Variants in UHRF1 observed in about 807,000 individuals in gnomAD.
UHRF1 encodes E3 ubiquitin-protein ligase UHRF1.
UHRF1 carries 9 observed loss-of-function variants against 96.5 expected under a neutral mutation model. That is an observed-to-expected ratio of 0.09 (90% CI 0.06 to 0.16). The LOEUF (loss-of-function observed/expected upper bound fraction) is 0.16, where lower values mean the gene tolerates loss of function less well. UHRF1 is among the 10% of genes least tolerant of loss of function. The pLI, the probability that UHRF1 is intolerant of heterozygous loss-of-function variation, is 1.00. For missense variants in UHRF1, 626 were observed against 1,131.1 expected (o/e 0.55, Z 6.40); for synonymous variants, 455 against 469.9 (o/e 0.97, Z 0.41).
Position 4,930,461 on chromosome 19 carries a change from C to T in UHRF1, c.409-255C>T, listed in dbSNP as rs542998449. 6.6e-6 allele frequency among the ~76,000 whole-genome samples: 1 copy of T among 152,360 alleles called. No homozygotes were observed. Among genetic ancestry groups the T allele is most frequent in the East Asian group, 1.9e-4 (1 of 5,190 alleles). On this transcript the variant is annotated intron_variant, in intron 3 of 16. Transcript: ENST00000650932. This position sits in a 1 kb window ranked among gnomAD's most constrained non-coding sequence, Gnocchi z 4.4. The stretch of plus-strand genomic sequence containing the variant: ...GCAGCTCTGGTCTCTCAGGGCCTCC[C>T]AGCAGCTGTGGCTGAAGCAGAGCCG...
At chr19:4,936,668 G>A (rs558837968) in intron 5 of UHRF1, among the ~76,000 whole-genome samples, 4 of 152,114 alleles carry the variant, frequency 2.6e-5, no homozygotes, top group Admixed American at 6.6e-5. Context: ...ATGGCTAGGC[G>A]CAGTGGCTCA....
chr19:4,910,548 C>T (rs536800488), intron 1 of UHRF1: 1 of 260,592 alleles, frequency 3.8e-6, no homozygotes. Flanking sequence ...ATAAACGAAC[C>T]AACTCGGCCA....
rs770572405 is a variant in UHRF1 at position 4,950,967 on chromosome 19, C to T, written c.1789C>T (p.Arg597Trp). Reference protein sequence around the residue: ...PGPWTKEGKDRIKKLGLTMQY... With the variant: ...PGPWTKEGKDWIKKLGLTMQY... ...CCCTTGGACGAAGGAGGGGAAGGACCGGATCAAGAAGCTGGGGCTGACCAT... is the reference window on the plus strand; with the variant it reads ...CCCTTGGACGAAGGAGGGGAAGGACTGGATCAAGAAGCTGGGGCTGACCAT... Residue 597 changes from arginine to tryptophan, a missense_variant, in exon 13 of 17, where the codon CGG (arginine) becomes TGG (tryptophan). This residue lies in a region of UHRF1 where 61 missense variants were observed against 199.2 expected (regional missense o/e 0.31). Transcript: ENST00000650932. The T allele has an allele frequency of 6.2e-7, 1 of 1,611,444 alleles. No individual in the cohort carries two copies. The highest frequency in any genetic ancestry group is 8.5e-7 in the Non-Finnish European group (1 of 1,179,584).
At chr19:4,933,728 C>T (rs1009456210) in intron 5 of UHRF1, among the ~76,000 whole-genome samples, 1 of 152,170 alleles carries the variant, frequency 6.6e-6, no homozygotes, top group Non-Finnish European at 1.5e-5. Flanking sequence ...TAGGAGTTGG[C>T]AAACTGCAGT....
At chr19:4,952,389 C>T (rs987662618) in intron 13 of UHRF1, among the ~76,000 whole-genome samples, 28 of 123,122 alleles carry the variant, frequency 2.3e-4, no homozygotes, top group Non-Finnish European at 3.7e-4. Flanking sequence ...CCACCGCTCC[C>T]AGCCTTTTTT....
chr19:4,927,981 G>A (rs2146324798), intron 2 of UHRF1, among the ~76,000 whole-genome samples: 1 of 152,326 alleles, frequency 6.6e-6, no homozygotes, highest in East Asian at 1.9e-4. Context: ...TTCCCACTCA[G>A]TGTGTGGATT....
chr19:4,960,948 T>C lies in UHRF1; in HGVS notation c.*145T>C. ...AAAGGTTTGTCTTCCTTTTTTTTTT[T>C]ATTTTTATTTTTCAAATCTATACAT... On this transcript the variant is annotated 3_prime_UTR_variant, in exon 17 of 17. Coordinates refer to ENST00000650932, the MANE Select transcript of UHRF1 (RefSeq NM_001048201.3). The C allele has an allele frequency of 4.1e-6, 2 of 487,692 alleles. No individual in the cohort carries two copies. The highest frequency in any genetic ancestry group is 7.0e-6 in the Non-Finnish European group (2 of 287,764). The allele number at this position is 487,692 out of a possible 1,614,324, so 30.2% of individuals were successfully genotyped here. A position where few individuals can be genotyped will look rare whatever the true frequency, so the allele number is the denominator to read the frequency against.
intron 7 of UHRF1, 99 bp from the exon 8 acceptor site, chr19:4,944,033 G>C: frequency 6.5e-7 from 1 of 1,539,768 alleles, no homozygotes; most frequent in African/African-American, 1.4e-5. Flanking sequence ...AGTGGTGCCA[G>C]GCGGGGAGAG....
chr19:4,956,862 A>C, intron 16 of UHRF1, 49 bp downstream of exon 16: 2 of 1,347,418 alleles, frequency 1.5e-6, no homozygotes. Flanking sequence ...TGGAAGGATG[A>C]CCTGACCTCC....
At chr19:4,906,992 G>A (rs141925336), upstream of UHRF1, among the ~76,000 whole-genome samples, 16 of 152,300 alleles carry the variant, frequency 1.1e-4, no homozygotes, top group East Asian at 2.7e-3. Context: ...GTGCAGTAGC[G>A]TTGATCGTGT....
chr19:4,933,204 C>A (rs993120244), intron 5 of UHRF1, among the ~76,000 whole-genome samples: 11 of 152,176 alleles, frequency 7.2e-5, no homozygotes, highest in Non-Finnish European at 8.8e-5. Context: ...CCCTGACAGG[C>A]AGAGTTGTCA....
rs1487241096 is a variant in UHRF1, at chr19:4,956,774, C to T, written c.2196C>T (p.Phe732=). 6 of 1,611,568 alleles carry T rather than the reference C, an allele frequency of 3.7e-6. No homozygotes were observed. The highest frequency in any genetic ancestry group is 2.2e-5 in the East Asian group (1 of 44,806). Residue 732 remains phenylalanine (F), a synonymous_variant, in exon 16 of 17, where the codon TTC becomes TTT. Coordinates refer to ENST00000650932, the MANE Select transcript of UHRF1 (RefSeq NM_001048201.3). ...FQCICCQELV[F]RPITTVCQHN... is the part of the protein sequence containing the mutation. ...GTATCTGCTGTCAGGAGCTGGTGTT[C>T]CGGCCCATCACGACCGTGTGCCAGC... is the stretch of plus-strand genomic sequence containing the variant.
At chr19:4,909,021 C>T (rs1272049185), upstream of UHRF1, among the ~76,000 whole-genome samples, 1 of 152,164 alleles carries the variant, frequency 6.6e-6, no homozygotes, top group Non-Finnish European at 1.5e-5. Context: ...AGTGGGGAGC[C>T]CTGGCAGGCC....
chr19:4,945,624 A>T (rs1261747137), intron 9 of UHRF1, among the ~76,000 whole-genome samples: 5 of 149,822 alleles, frequency 3.3e-5, no homozygotes, highest in African/African-American at 4.9e-5. Flanking sequence ...TGCCCCGTGC[A>T]CGCTTGATGG....
chr19:4,924,211 G>A (rs12460211), intron 2 of UHRF1, among the ~76,000 whole-genome samples: 38,636 of 151,854 alleles, frequency 0.25, 5,116 homozygotes, highest in Middle Eastern at 0.38. Flanking sequence ...GTGCAGTGGC[G>A]TGATCTCGGC....
chr19:4,956,866 GA>G, intron 16 of UHRF1, 53 bp downstream of exon 16: 1 of 1,290,384 alleles, frequency 7.7e-7, no homozygotes, highest in Non-Finnish European at 1.1e-6. Flanking sequence ...AGGATGACCT[GA>G]CCTCCCGTTC....
intron 2 of UHRF1, among the ~76,000 whole-genome samples, chr19:4,914,812 C>T (rs1450240412): frequency 6.6e-6 from 1 of 152,178 alleles, no homozygotes; most frequent in East Asian, 1.9e-4. Flanking sequence ...TTAGATAGGG[C>T]TAATACCCAC....
intron 11 of UHRF1, 31 bp downstream of exon 11, chr19:4,947,242 C>T: frequency 6.3e-7 from 1 of 1,585,972 alleles, no homozygotes. Flanking sequence ...TATTTCCTTG[C>T]TGATGCATAT....
At chr19:4,916,818 C>G (rs949084051) in intron 2 of UHRF1, among the ~76,000 whole-genome samples, 2 of 152,234 alleles carry the variant, frequency 1.3e-5, no homozygotes, top group Admixed American at 6.5e-5. Context: ...AGAGCAGTTT[C>G]TCACTTCCTT....
Sources: allele counts gnomAD v4.1 joint callset (sites outside exome capture counted in the v4.1 genomes callset), GRCh38; gene constraint gnomAD v4.1.1; regional missense constraint gnomAD v4.1.1; non-coding constraint Gnocchi (gnomAD v3.1); transcripts MANE v1.5; gene names NCBI Gene and HGNC (gene_info 2026-07-23, HGNC 2026-07-21).